The following RTRAF variants were observed in gnomAD, a reference collection of about 807,000 sequenced individuals.
RTRAF encodes RNA transcription, translation and transport factor, also known as tRNA-splicing ligase complex subunit RTRAF.
In RTRAF, 14 loss-of-function variants were observed where a neutral mutation model predicts 34.4. The observed-to-expected ratio is 0.41, with a 90% CI of 0.27 to 0.64. The LOEUF is 0.64. RTRAF is among the 30% of genes least tolerant of loss of function. The pLI is 0.34. For missense variants in RTRAF, 291 were observed against 288.4 expected (o/e 1.01, Z -0.06); for synonymous variants, 96 against 95.3 (o/e 1.01, Z -0.04).
chr14:52,001,997 C>G, intron 6 of RTRAF, 131 bp downstream of exon 6: 1 of 783,224 alleles, frequency 1.3e-6, no homozygotes. Context: ...GGATAGCTTA[C>G]TTCAGTGCTT....
At chr14:52,001,340 A>G (rs542400575) in intron 5 of RTRAF, among the ~76,000 whole-genome samples, 22 of 152,284 alleles carry the variant, frequency 1.4e-4, no homozygotes, top group African/African-American at 4.8e-4. Context: ...ATATTTTACT[A>G]GAGTGAAGTG....
At chr14:52,001,971 C>A in intron 6 of RTRAF, 105 bp downstream of exon 6, 1 of 982,890 alleles carries the variant, frequency 1.0e-6, no homozygotes, top group South Asian at 1.7e-5. Flanking sequence ...ATTCTACGTT[C>A]TACAACTTAG....
rs984229071 is a variant in RTRAF, at chr14:52,008,093, G to T, written c.*3577G>T. ...GCCTTAAGCAATCCCCTTGAGTTTG[G>T]GCTGCATTAGTAGTGTCTTGCTTCT... On this transcript the variant is annotated 3_prime_UTR_variant, in exon 8 of 8. Transcript: ENST00000261700. 2 of 691,438 alleles carry T rather than the reference G, an allele frequency of 2.9e-6. No individual in the cohort carries two copies. The highest frequency in any genetic ancestry group is 4.7e-6 in the Non-Finnish European group (2 of 422,776). 42.8% of individuals were successfully genotyped at this position (691,438 alleles called of 1,614,324 possible). A position where few individuals can be genotyped will look rare whatever the true frequency, so the allele number is the denominator to read the frequency against.
intron 3 of RTRAF, among the ~76,000 whole-genome samples, chr14:51,994,186 C>A (rs1212631915): frequency 6.6e-6 from 1 of 152,146 alleles, no homozygotes. Context: ...TGTCTAATGC[C>A]AATATACATT....
At chr14:51,996,854 G>A in intron 3 of RTRAF, among the ~76,000 whole-genome samples, 1 of 152,022 alleles carries the variant, frequency 6.6e-6, no homozygotes. Flanking sequence ...CACCGCATTA[G>A]TTGTTACATC....
In RTRAF at chr14:52,005,441, C is replaced by T; in HGVS notation, c.*925C>T. 1 of 1,545,208 alleles carries T rather than the reference C, an allele frequency of 6.5e-7. No individual in the cohort carries two copies. The highest frequency in any genetic ancestry group is 1.3e-5 in the South Asian group (1 of 77,174). ...TTTGCAGTCACTGTTCTTTAGGGTC[C>T]AGGTTCTGATTGTAAACTCCAAGTC... On this transcript the variant is annotated 3_prime_UTR_variant, in exon 8 of 8. Coordinates refer to ENST00000261700, the MANE Select transcript of RTRAF (RefSeq NM_016039.3).
In RTRAF at chr14:52,008,162, G is replaced by C. The variant is rs146857113; in HGVS notation, c.*3646G>C. 2,180 of 468,528 alleles carry C rather than the reference G, an allele frequency of 4.7e-3. 7 individuals carry two copies. The highest frequency in any genetic ancestry group is 6.1e-3 in the Non-Finnish European group (1,627 of 268,480). The allele number at this position is 468,528 out of a possible 1,614,324, so 29.0% of individuals were successfully genotyped here. A position where few individuals can be genotyped will look rare whatever the true frequency, so the allele number is the denominator to read the frequency against. On this transcript the variant is annotated 3_prime_UTR_variant, in exon 8 of 8. Transcript: ENST00000261700. ...GCAGAAGTGATAGGCTATCACTGCCGATATTCGGTCTCAAAAAACTGGTTT... is the reference window on the plus strand; with the variant it reads ...GCAGAAGTGATAGGCTATCACTGCCCATATTCGGTCTCAAAAAACTGGTTT...
In RTRAF at chr14:52,006,434, G is replaced by A. The variant is rs1459172535; in HGVS notation, c.*1918G>A. 7.6e-7 allele frequency: 1 copy of A among 1,324,502 alleles called. No individual in the cohort carries two copies. Among genetic ancestry groups the A allele is most frequent in the African/African-American group, 1.5e-5 (1 of 68,150 alleles). 82.0% of individuals were successfully genotyped at this position (1,324,502 alleles called of 1,614,324 possible). On this transcript the variant is annotated 3_prime_UTR_variant, in exon 8 of 8. Transcript: ENST00000261700. ...GAGGTGATGAAACAAAAGCCTCAGA[G>A]GGCTTAATGAGTCAAGTCAGGTACT... is the stretch of plus-strand genomic sequence containing the variant.
Position 52,004,432 on chromosome 14 carries a change from A to G in RTRAF, c.651A>G (p.Thr217=). The part of the protein sequence containing the change: ...LHIEELRELQ[T]KINEAIVAVQ... ...TAGAGGAGCTCAGAGAGCTACAGAC[A>G]AAAATCAACGAAGCCATAGTAGCTG... Residue 217 remains threonine, a synonymous_variant, in exon 8 of 8, where the codon ACA becomes ACG. Coordinates refer to ENST00000261700, the MANE Select transcript of RTRAF (RefSeq NM_016039.3). 1 of 1,614,032 alleles carries G rather than the reference A, an allele frequency of 6.2e-7. No homozygotes were observed. Among genetic ancestry groups the G allele is most frequent in the Non-Finnish European group, 8.5e-7 (1 of 1,179,908 alleles).
chr14:52,000,407 C>T (rs1014664105), intron 5 of RTRAF, among the ~76,000 whole-genome samples: 1 of 152,034 alleles, frequency 6.6e-6, no homozygotes, highest in Non-Finnish European at 1.5e-5. Context: ...AAATCATAAA[C>T]TTCAGAAGAT....
In RTRAF at chr14:52,004,395, G is replaced by T. The variant is rs767769303; in HGVS notation, c.614G>T (p.Arg205Leu). 6.2e-7 allele frequency: 1 copy of T among 1,613,628 alleles called. No individual in the cohort carries two copies. ...AVLNEAAQIL[R>L]LLHIEELREL... ...CTTAATGAAGCTGCTCAAATTCTGC[G>T]ATTGCTGCACATAGAGGAGCTCAGA... Residue 205 changes from arginine to leucine, a missense_variant, in exon 8 of 8, where the codon CGA becomes CTA. Physicochemically the swap from Arg to Leu is moderately radical, Grantham distance 102. Coordinates refer to ENST00000261700, the MANE Select transcript of RTRAF (RefSeq NM_016039.3).
At chr14:52,001,056 CTGTT>C (rs1185582863) in intron 5 of RTRAF, among the ~76,000 whole-genome samples, 8 of 152,208 alleles carry the variant, frequency 5.3e-5, no homozygotes, top group East Asian at 1.9e-4. Context: ...AGTATATTAA[CTGTT>C]TGGCAACCAG....
chr14:51,994,981 T>C (rs8014455), intron 3 of RTRAF, among the ~76,000 whole-genome samples: 25,183 of 151,120 alleles, frequency 0.17, 2,493 homozygotes, highest in Middle Eastern at 0.22. Flanking sequence ...TCTCATATGC[T>C]GTCTTATGTC....
At position 52,008,051 on chromosome 14, in the gene RTRAF, T is replaced by C. The variant is rs1890860885; in HGVS notation, c.*3535T>C. Reference sequence around the variant, plus strand: ...TCTAAGCAGCCCCCAGTGATCTCCATCTCCTCATGTATTATAGCCTTAAGC... The same window carrying C: ...TCTAAGCAGCCCCCAGTGATCTCCACCTCCTCATGTATTATAGCCTTAAGC... On this transcript the variant is annotated 3_prime_UTR_variant, in exon 8 of 8. Coordinates refer to ENST00000261700, the MANE Select transcript of RTRAF (RefSeq NM_016039.3). The C allele has an allele frequency of 9.1e-7, 1 of 1,096,710 alleles. No homozygotes were observed. Among genetic ancestry groups the C allele is most frequent in the African/African-American group, 1.6e-5 (1 of 63,474 alleles). The allele number at this position is 1,096,710 out of a possible 1,614,324, so 67.9% of individuals were successfully genotyped here. A position where few individuals can be genotyped will look rare whatever the true frequency, so the allele number is the denominator to read the frequency against.
chr14:52,004,224 C>G lies in RTRAF; in HGVS notation c.562C>G (p.Leu188Val). 2.5e-6 allele frequency: 4 copies of G among 1,613,390 alleles called. No individual in the cohort carries two copies. In the South Asian group the frequency reaches 3.3e-5, roughly 13 times the overall value. Residue 188 changes from leucine (L) to valine (V), a missense_variant, in exon 7 of 8, where the codon CTT (leucine) becomes GTT (valine). Leu to Val is a conservative substitution (Grantham distance 32, BLOSUM62 1). Coordinates refer to ENST00000261700, the MANE Select transcript of RTRAF (RefSeq NM_016039.3). ...GLPVALDKHI[L>V]GFDTGDAVLN... ...ACCTGTTGCTTTAGACAAACATATT[C>G]TTGGTTTTGACACAGGAGGTAAGTG...
chr14:51,992,847 G>A (rs962765384), intron 2 of RTRAF, among the ~76,000 whole-genome samples: 3 of 152,050 alleles, frequency 2.0e-5, no homozygotes, highest in Non-Finnish European at 4.4e-5. Flanking sequence ...CCGGGCCAAC[G>A]TGGCGAAACC....
chr14:52,005,208 T>TGATAAATGTTTACAAGAA lies in RTRAF; in HGVS notation c.*694_*711dup, dbSNP rs1489383994. On this transcript the variant is annotated 3_prime_UTR_variant, in exon 8 of 8. Transcript: ENST00000261700. ...ATGAATTTGATCTTTTAAATATTAA[T>TGATAAATGTTTACAAGAA]GATAAATGTTTACAAGAAGTTGCTT... The TGATAAATGTTTACAAGAA allele has an allele frequency of 2.8e-5, 9 of 321,554 alleles. No homozygotes were observed. Among genetic ancestry groups the TGATAAATGTTTACAAGAA allele is most frequent in the Non-Finnish European group, 4.5e-5 (8 of 177,098 alleles). 19.9% of individuals were successfully genotyped at this position (321,554 alleles called of 1,614,324 possible).
In RTRAF at chr14:52,006,010, T is replaced by TA. The variant is rs1594993002; in HGVS notation, c.*1497dup. Reference sequence around the variant, plus strand: ...TACTGAAGTTTGAAGACCATTGCTCTAAATCCATTGCTCATCTCTAGCTGC... The same window carrying TA: ...TACTGAAGTTTGAAGACCATTGCTCTAAAATCCATTGCTCATCTCTAGCTGC... On this transcript the variant is annotated 3_prime_UTR_variant, in exon 8 of 8. Transcript: ENST00000261700. 3 of 613,604 alleles carry TA rather than the reference T, an allele frequency of 4.9e-6. No individual in the cohort carries two copies. The East Asian group carries it at 8.4e-5, about 17-fold the overall frequency. 38.0% of individuals were successfully genotyped at this position (613,604 alleles called of 1,614,324 possible). A position where few individuals can be genotyped will look rare whatever the true frequency, so the allele number is the denominator to read the frequency against.
Position 52,007,789 on chromosome 14 carries a change from G to A in RTRAF, c.*3273G>A, listed in dbSNP as rs750663630. The A allele has an allele frequency of 6.9e-6, 11 of 1,603,860 alleles. No individual in the cohort carries two copies. In the African/African-American group the frequency reaches 1.3e-4, roughly 20 times the overall value. The stretch of plus-strand genomic sequence containing the variant: ...CACTGTGATGAGAGGTTATCTATTT[G>A]CATTCCATCAGTAGTATTACCTGCA... On this transcript the variant is annotated 3_prime_UTR_variant, in exon 8 of 8. Transcript: ENST00000261700.
Sources: gnomAD v4.1 joint callset for allele counts (sites outside exome capture counted in the v4.1 genomes callset) on GRCh38, gnomAD v4.1.1 for gene constraint, MANE v1.5 for transcripts, NCBI Gene and HGNC (gene_info 2026-07-23, HGNC 2026-07-21) for gene names.